Variants in RFXANK observed in about 807,000 individuals in gnomAD.
RFXANK encodes the protein regulatory factor X associated ankyrin containing protein.
Under a neutral mutation model 34.5 loss-of-function variants are expected in RFXANK, and 19 were observed. The observed-to-expected ratio is 0.55, with a 90% confidence interval of 0.38 to 0.81. The LOEUF (loss-of-function observed/expected upper bound fraction) is 0.81, where lower values mean the gene tolerates loss of function less well. Ranked by LOEUF, RFXANK falls within the 30% of genes least tolerant of loss-of-function variation. RFXANK has a pLI of 0.00. For synonymous variants in RFXANK, 154 were observed against 149.8 expected (o/e 1.03, Z -0.20); for missense variants, 295 against 343.5 (o/e 0.86, Z 1.12).
At chr19:19,195,270 C>T (rs1286912460) in intron 3 of RFXANK, among the ~76,000 whole-genome samples, 1 of 146,326 alleles carries the variant, frequency 6.8e-6, no homozygotes, top group Non-Finnish European at 1.5e-5. Flanking sequence ...CTCCCCTCGC[C>T]TCCCCTCCCC....
At chr19:19,198,496 T>C in intron 7 of RFXANK, 161 bp from the exon 8 acceptor site, 2 of 974,314 alleles carry the variant, frequency 2.1e-6, no homozygotes, top group Non-Finnish European at 3.2e-6. Context: ...ATCAGAGAGG[T>C]CTTCCTGGAG....
intron 9 of RFXANK, chr19:19,201,375 G>T: frequency 8.5e-7 from 1 of 1,180,322 alleles, no homozygotes. Context: ...ACCATGCCCA[G>T]GCTCATCTTT....
intron 8 of RFXANK, 60 bp from the exon 9 acceptor site, chr19:19,199,094 C>G: frequency 6.6e-7 from 1 of 1,507,472 alleles, no homozygotes; most frequent in South Asian, 1.1e-5. Context: ...TCCCAGGTCC[C>G]CAGACCCCAT....
rs2060635767 is a variant in RFXANK at position 19,198,190 on chromosome 19, G to T, written c.522G>T (p.Gly174=). 1 of 1,614,042 alleles carries T rather than the reference G, an allele frequency of 6.2e-7. No homozygotes were observed. The highest frequency in any genetic ancestry group is 1.3e-5 in the African/African-American group (1 of 74,920). The change falls in exon 7 of 10, where the codon GGG becomes GGT. Residue 174 remains glycine, a synonymous_variant. Transcript: ENST00000303088. Reference sequence around the variant, plus strand: ...CAGGCGGCTACACAGACATTGTGGGGCTGCTGCTGGAGCGTGACGTGGACA... The same window carrying T: ...CAGGCGGCTACACAGACATTGTGGGTCTGCTGCTGGAGCGTGACGTGGACA... ...ASTGGYTDIV[G]LLLERDVDIN...
At chr19:19,197,432 C>G (rs2060620005) in intron 5 of RFXANK, 89 bp from the exon 6 acceptor site, 1 of 1,394,798 alleles carries the variant, frequency 7.2e-7, no homozygotes, top group Non-Finnish European at 1.0e-6. Flanking sequence ...CCTGTCTAAC[C>G]CCAGCCCCCC....
chr19:19,200,268 C>T (rs576866449), intron 9 of RFXANK, among the ~76,000 whole-genome samples: 1 of 151,168 alleles, frequency 6.6e-6, no homozygotes, highest in South Asian at 2.1e-4. Context: ...ACTTCCACCT[C>T]CCAGGTTCAA....
At chr19:19,192,770 G>A (rs2060508069) in intron 1 of RFXANK, 190 bp from the exon 2 acceptor site, 1 of 152,700 alleles carries the variant, frequency 6.5e-6, no homozygotes, top group Non-Finnish European at 1.5e-5. Context: ...GGGAAAAGAA[G>A]GCGCAGGCGC....
intron 9 of RFXANK, among the ~76,000 whole-genome samples, chr19:19,199,716 C>G (rs761736931): frequency 6.6e-6 from 1 of 152,086 alleles, no homozygotes; most frequent in Non-Finnish European, 1.5e-5. Flanking sequence ...AAGGGGTAGG[C>G]GACCAGGCCA....
chr19:19,198,528 C>A, intron 7 of RFXANK, 129 bp from the exon 8 acceptor site: 1 of 1,162,136 alleles, frequency 8.6e-7, no homozygotes. Flanking sequence ...AGCTTGAGAC[C>A]CCAGAAAGTG....
chr19:19,194,018 T>C lies in RFXANK; in HGVS notation c.72T>C (p.Pro24=). 1 of 1,614,208 alleles carries C rather than the reference T, an allele frequency of 6.2e-7. No individual in the cohort carries two copies. Among genetic ancestry groups the C allele is most frequent in the Non-Finnish European group, 8.5e-7 (1 of 1,180,028 alleles). ...QQTPASELGD[P]EDPGEEAADG... ...CCCCTGCCTCAGAACTTGGGGACCC[T>C]GAAGACCCCGGAGAGGAGGCTGCAG... Residue 24 remains proline (P), a synonymous_variant, in exon 3 of 10, where the codon CCT becomes CCC. Coordinates refer to ENST00000303088, the MANE Select transcript of RFXANK (RefSeq NM_003721.4).
At position 19,199,162 on chromosome 19, in the gene RFXANK, G is replaced by A. The variant is rs769970316; in HGVS notation, c.640G>A (p.Ala214Thr). 3.1e-6 allele frequency: 5 copies of A among 1,613,784 alleles called. No homozygotes were observed. Among genetic ancestry groups the A allele is most frequent in the South Asian group, 1.1e-5 (1 of 91,078 alleles). The change falls in exon 9 of 10, where the codon GCT (alanine) becomes ACT (threonine). Residue 214 changes from alanine to threonine, a missense_variant. By Grantham distance (58) the Ala-to-Thr change is moderately conservative. Coordinates refer to ENST00000303088, the MANE Select transcript of RFXANK (RefSeq NM_003721.4). ...TCCCCTCTCCTTTGCAGCCCGAGGC[G>A]CTGACCTCACCACCGAAGCCGACTC... is the stretch of plus-strand genomic sequence containing the variant. ...KCVEALLARG[A>T]DLTTEADSGY...
At position 19,193,101 on chromosome 19, in the gene RFXANK, G is replaced by A. The variant is rs1184054092; in HGVS notation, c.-9+1G>A. 1 of 152,254 alleles carries A rather than the reference G, an allele frequency of 6.6e-6. No homozygotes were observed. Among genetic ancestry groups the A allele is most frequent in the Non-Finnish European group, 1.5e-5 (1 of 68,080 alleles). 9.4% of individuals were successfully genotyped at this position (152,254 alleles called of 1,614,324 possible). A position where few individuals can be genotyped will look rare whatever the true frequency, so the allele number is the denominator to read the frequency against. On this transcript the variant is annotated splice_donor_variant, in intron 2 of 9. Coordinates refer to ENST00000303088, the MANE Select transcript of RFXANK (RefSeq NM_003721.4). LOFTEE classifies it low-confidence loss of function (5UTR_SPLICE). ...GGGGACAGAGGAGGCTCGTGGGGAG[G>A]TGAGTGGACCTCCTGGATCGATTTA...
chr19:19,196,039 G>C (rs969002687), intron 3 of RFXANK, among the ~76,000 whole-genome samples: 19 of 152,080 alleles, frequency 1.2e-4, no homozygotes, highest in African/African-American at 4.3e-4. Context: ...ACTGTGCCCG[G>C]CCTTAAGTTC....
At chr19:19,196,297 T>C (rs2060598000) in intron 3 of RFXANK, among the ~76,000 whole-genome samples, 1 of 151,654 alleles carries the variant, frequency 6.6e-6, no homozygotes, top group South Asian at 2.1e-4. Flanking sequence ...TGGTAGCTCA[T>C]GCCTGTAATC....
intron 1 of RFXANK, 117 bp from the exon 2 acceptor site, chr19:19,192,843 C>G (rs1018230067): frequency 1.3e-5 from 2 of 152,406 alleles, no homozygotes; most frequent in Admixed American, 6.5e-5. Flanking sequence ...GGGCCAGAGG[C>G]AGCACTTACT....
rs1447514259 is a variant in RFXANK at position 19,192,308 on chromosome 19, C to A, written c.-396C>A. On this transcript the variant is annotated 5_prime_UTR_variant, in exon 1 of 10. Transcript: ENST00000303088. ...TGAGACGCAGGGAAGGAGGCACACC[C>A]GGGGGTGGCGCAGTGAGGAGGGGGC... 9.8e-6 allele frequency: 7 copies of A among 714,218 alleles called. No individual in the cohort carries two copies. The highest frequency in any genetic ancestry group is 1.4e-5 in the Non-Finnish European group (6 of 440,778). 44.2% of individuals were successfully genotyped at this position (714,218 alleles called of 1,614,324 possible).
At chr19:19,193,669 C>A (rs1425717333) in intron 2 of RFXANK, among the ~76,000 whole-genome samples, 2 of 152,076 alleles carry the variant, frequency 1.3e-5, no homozygotes, top group Non-Finnish European at 2.9e-5. Flanking sequence ...CCTCCTCGGC[C>A]TCCCAAAGTG....
chr19:19,201,415 T>G, intron 9 of RFXANK: 2 of 1,437,726 alleles, frequency 1.4e-6, no homozygotes. Context: ...CACATTTTGC[T>G]TGGTAGGAAA....
intron 3 of RFXANK, among the ~76,000 whole-genome samples, chr19:19,195,023 C>T (rs1376249590): frequency 7.0e-6 from 1 of 141,874 alleles, no homozygotes; most frequent in African/African-American, 2.6e-5. Flanking sequence ...TCCCCTCCCT[C>T]CCTTCCCGCC....
Sources: allele counts gnomAD v4.1 joint callset (sites outside exome capture counted in the v4.1 genomes callset), GRCh38; gene constraint gnomAD v4.1.1; transcripts MANE v1.5; gene names NCBI Gene and HGNC (gene_info 2026-07-23, HGNC 2026-07-21).